SEC24D: variants seen among roughly 807,000 people sequenced by gnomAD.
SEC24D encodes the protein SEC24 homolog D, COPII component, also known as protein transport protein Sec24D.
Under a neutral mutation model 116.9 loss-of-function variants are expected in SEC24D, and 69 were observed. That is an observed-to-expected ratio of 0.59 (90% CI 0.49 to 0.72). The LOEUF is 0.72. SEC24D is among the 30% of genes least tolerant of loss of function. SEC24D has a pLI of 0.00. For missense variants in SEC24D, 1,131 were observed against 1,264.1 expected (o/e 0.89, Z 1.60); for synonymous variants, 405 against 442.8 (o/e 0.91, Z 1.07).
intron 3 of SEC24D, among the ~76,000 whole-genome samples, chr4:118,824,364 T>C (rs934019014): frequency 6.6e-6 from 1 of 152,176 alleles, no homozygotes; most frequent in Non-Finnish European, 1.5e-5. Flanking sequence ...TAGCCTGGTC[T>C]CAAACTCCTG....
chr4:118,795,308 A>C (rs1729129994), intron 8 of SEC24D, among the ~76,000 whole-genome samples: 1 of 151,478 alleles, frequency 6.6e-6, no homozygotes. Context: ...TCCTGGGTTC[A>C]AGCAATTCTC....
intron 3 of SEC24D, among the ~76,000 whole-genome samples, chr4:118,824,012 C>A (rs1311814092): frequency 1.3e-5 from 2 of 152,104 alleles, no homozygotes; most frequent in Non-Finnish European, 2.9e-5. Context: ...AGGCCATGGG[C>A]ATCTAAAGGA....
At chr4:118,783,905 G>T (rs779292084) in intron 8 of SEC24D, among the ~76,000 whole-genome samples, 1 of 152,178 alleles carries the variant, frequency 6.6e-6, no homozygotes, top group Admixed American at 6.5e-5. Flanking sequence ...TGCTATTGAC[G>T]TAAACACTGA....
In SEC24D at chr4:118,728,642, C is replaced by T. The variant is rs1725530043; in HGVS notation, c.2877G>A (p.Leu959=). ...GAGAGTATGGGTTTCCCACTTCAGG[C>T]AGCAATGTCTTAGATTTAAGAAAAT... ...FAHINTDMTL[L]PEVGNPYSQQ... The change falls in exon 22 of 23, where the codon CTG becomes CTA. Residue 959 remains leucine, a synonymous_variant. Coordinates refer to ENST00000280551, the MANE Select transcript of SEC24D (RefSeq NM_014822.4). 1 of 1,600,904 alleles carries T rather than the reference C, an allele frequency of 6.2e-7. No individual in the cohort carries two copies. Among genetic ancestry groups the T allele is most frequent in the Non-Finnish European group, 8.6e-7 (1 of 1,169,484 alleles).
intron 6 of SEC24D, among the ~76,000 whole-genome samples, chr4:118,809,433 G>A (rs1729810349): frequency 6.6e-6 from 1 of 152,208 alleles, no homozygotes. Flanking sequence ...TATAGCAGAA[G>A]CTCAGTAAAT....
chr4:118,788,235 CAT>C (rs889507081), intron 8 of SEC24D, among the ~76,000 whole-genome samples: 2 of 152,194 alleles, frequency 1.3e-5, no homozygotes, highest in African/African-American at 4.8e-5. Context: ...TTTCTAATAA[CAT>C]ATAGGGCTTC....
chr4:118,746,079 G>A (rs981630908), intron 13 of SEC24D, among the ~76,000 whole-genome samples: 1 of 152,044 alleles, frequency 6.6e-6, no homozygotes, highest in Non-Finnish European at 1.5e-5. Flanking sequence ...AGGAGGCTGA[G>A]GTGAGAGGAT....
At position 118,753,701 on chromosome 4, in the gene SEC24D, G is replaced by A. The variant is rs562926785; in HGVS notation, c.1422-813C>T. Among the ~76,000 whole-genome samples the A allele has an allele frequency of 2.5e-4, 38 of 152,026 alleles. No homozygotes were observed. In the South Asian group the frequency reaches 6.6e-3, roughly 27 times the overall value. On this transcript the variant is annotated intron_variant, in intron 11 of 22. Coordinates refer to ENST00000280551, the MANE Select transcript of SEC24D (RefSeq NM_014822.4). ...ATGGTCTAAACTTAGTTTCATGTTT[G>A]TTGAGTGCATTGTACAGTCTATTTT...
At position 118,783,192 on chromosome 4, in the gene SEC24D, C is replaced by T. The variant is rs1469825264; in HGVS notation, c.1041+14491G>A. On this transcript the variant is annotated intron_variant, in intron 8 of 22. Transcript: ENST00000280551. ...AATCACCCGTCTTCTGCGTCAATCA[C>T]GCTCAGAGCTGCAGACGGGAGCTGT... 4.6e-5 allele frequency among the ~76,000 whole-genome samples: 7 copies of T among 152,202 alleles called. No individual in the cohort carries two copies. The East Asian group carries it at 9.6e-4, about 21-fold the overall frequency.
intron 8 of SEC24D, among the ~76,000 whole-genome samples, chr4:118,787,077 T>C (rs749422417): frequency 2.6e-5 from 4 of 152,202 alleles, no homozygotes; most frequent in Non-Finnish European, 5.9e-5. Flanking sequence ...GCTAGAACAC[T>C]GTTCTAAAAA....
At chr4:118,788,508 T>C (rs968108386) in intron 8 of SEC24D, among the ~76,000 whole-genome samples, 1 of 152,240 alleles carries the variant, frequency 6.6e-6, no homozygotes, top group African/African-American at 2.4e-5. Context: ...ATTCATCCAA[T>C]TGTTTTACTA....
At chr4:118,809,662 T>C (rs2110517706) in intron 6 of SEC24D, among the ~76,000 whole-genome samples, 1 of 151,790 alleles carries the variant, frequency 6.6e-6, no homozygotes, top group East Asian at 1.9e-4. Flanking sequence ...CATTCATTCA[T>C]TCATCCATTC....
At chr4:118,810,225 C>T (rs910151294) in intron 6 of SEC24D, among the ~76,000 whole-genome samples, 4 of 151,220 alleles carry the variant, frequency 2.6e-5, no homozygotes, top group South Asian at 2.1e-4. Context: ...TATTGGTTTC[C>T]GTAGCCATGA....
chr4:118,751,891 GT>G lies in SEC24D; in HGVS notation c.1707+104del, dbSNP rs1726857152. ...TTTGGAATAGCCTCTAGTGACCCACGTTTTAATGAAGACTGTCTTTTCTTTC... is the reference window on the plus strand; with the variant it reads ...TTTGGAATAGCCTCTAGTGACCCACGTTTAATGAAGACTGTCTTTTCTTTC... On this transcript the variant is annotated intron_variant, in intron 13 of 22. Coordinates refer to ENST00000280551, the MANE Select transcript of SEC24D (RefSeq NM_014822.4). 3 of 821,922 alleles carry G rather than the reference GT, an allele frequency of 3.6e-6. No homozygotes were observed. In the African/African-American group the frequency reaches 5.2e-5, roughly 14 times the overall value. The allele number at this position is 821,922 out of a possible 1,614,324, so 50.9% of individuals were successfully genotyped here.
intron 17 of SEC24D, among the ~76,000 whole-genome samples, chr4:118,739,717 T>C (rs538817760): frequency 1.3e-5 from 2 of 152,316 alleles, no homozygotes; most frequent in African/African-American, 4.8e-5. Context: ...TGATATACAT[T>C]TGAAGAATGC....
At chr4:118,805,458 A>G (rs1264261843) in intron 7 of SEC24D, among the ~76,000 whole-genome samples, 1 of 152,222 alleles carries the variant, frequency 6.6e-6, no homozygotes, top group African/African-American at 2.4e-5. Flanking sequence ...CTTAGAAAAT[A>G]TTGTTGGGGC....
At chr4:118,737,181 G>T (rs1367209519) in intron 19 of SEC24D, among the ~76,000 whole-genome samples, 1 of 152,216 alleles carries the variant, frequency 6.6e-6, no homozygotes. Context: ...AGGTGTACCT[G>T]GTGGGCTTTG....
At chr4:118,820,516 T>C (rs2110530814) in intron 3 of SEC24D, among the ~76,000 whole-genome samples, 1 of 152,284 alleles carries the variant, frequency 6.6e-6, no homozygotes, top group African/African-American at 2.4e-5. Context: ...GAAAGTCACA[T>C]AGCATGTTGT....
At chr4:118,807,497 A>C (rs115242199) in intron 6 of SEC24D, among the ~76,000 whole-genome samples, 6,603 of 152,116 alleles carry the variant, frequency 0.043, 201 homozygotes, top group Non-Finnish European at 0.063. Context: ...AAAAGGAAAA[A>C]AAAATGGAGA....
Sources: gnomAD v4.1 joint callset for allele counts (sites outside exome capture counted in the v4.1 genomes callset) on GRCh38, gnomAD v4.1.1 for gene constraint, MANE v1.5 for transcripts, NCBI Gene and HGNC (gene_info 2026-07-23, HGNC 2026-07-21) for gene names.